The following RIC8B variants were observed in gnomAD, a reference collection of about 807,000 sequenced individuals.
RIC8B encodes the protein RIC8 guanine nucleotide exchange factor B.
Under a neutral mutation model 57.5 loss-of-function variants are expected in RIC8B, and 16 were observed. That is an observed-to-expected ratio of 0.28 (90% confidence interval 0.19 to 0.42). The LOEUF (loss-of-function observed/expected upper bound fraction) is 0.42. RIC8B is among the 10% of genes least tolerant of loss of function. The pLI is 1.00. For synonymous variants in RIC8B, 216 were observed against 250.8 expected (o/e 0.86, Z 1.31); for missense variants, 481 against 677.0 (o/e 0.71, Z 3.21).
chr12:106,783,327 AGT>A (rs1353352663), intron 1 of RIC8B, among the ~76,000 whole-genome samples: 2 of 152,310 alleles, frequency 1.3e-5, no homozygotes, highest in East Asian at 1.9e-4. Context: ...TGAGAAACTC[AGT>A]TCCAGAGAGT....
At chr12:106,785,819 G>C (rs796744410) in intron 2 of RIC8B, among the ~76,000 whole-genome samples, 23,676 of 97,132 alleles carry the variant, frequency 0.24, 2,973 homozygotes, top group African/African-American at 0.28. Context: ...CTCTCTGTGT[G>C]TGTGTGTGTG....
rs1055515270 is a variant in RIC8B at position 106,821,316 on chromosome 12, G to A, written c.742-4410G>A. 6.6e-5 allele frequency among the ~76,000 whole-genome samples: 10 copies of A among 152,268 alleles called. No homozygotes were observed. In the South Asian group the frequency reaches 1.2e-3, roughly 19 times the overall value. ...ATATTTATGGAGACATAGACTAATG[G>A]AATAGAATAAATAGAGTTGATACAG... is the stretch of plus-strand genomic sequence containing the variant. On this transcript the variant is annotated intron_variant, in intron 3 of 9. Coordinates refer to ENST00000392837, the MANE Select transcript of RIC8B (RefSeq NM_001330145.2).
intron 4 of RIC8B, among the ~76,000 whole-genome samples, chr12:106,827,739 T>G (rs2046172546): frequency 6.6e-6 from 1 of 152,256 alleles, no homozygotes; most frequent in Non-Finnish European, 1.5e-5. Flanking sequence ...CAAGATTTTA[T>G]TAAACATTTT....
At chr12:106,828,382 G>A (rs1037606266) in intron 4 of RIC8B, among the ~76,000 whole-genome samples, 3 of 152,166 alleles carry the variant, frequency 2.0e-5, no homozygotes, top group Admixed American at 6.5e-5. Context: ...GGAAGCTTCT[G>A]TAGTGATCCT....
chr12:106,798,844 C>T (rs1488585733), intron 2 of RIC8B, among the ~76,000 whole-genome samples: 1 of 152,066 alleles, frequency 6.6e-6, no homozygotes, highest in African/African-American at 2.4e-5. Context: ...ATAGTTCATT[C>T]CTTCAGTCTT....
chr12:106,874,181 C>T (rs1950566907), intron 9 of RIC8B, among the ~76,000 whole-genome samples: 1 of 152,222 alleles, frequency 6.6e-6, no homozygotes, highest in Admixed American at 6.5e-5. Flanking sequence ...GACGTTTGCT[C>T]TGTCCACTGT....
chr12:106,788,069 G>A (rs1287116114), intron 2 of RIC8B, among the ~76,000 whole-genome samples: 1 of 152,152 alleles, frequency 6.6e-6, no homozygotes, highest in Non-Finnish European at 1.5e-5. Context: ...TACAGGCATT[G>A]GGTAAATACA....
At position 106,815,155 on chromosome 12, in the gene RIC8B, A is replaced by G; in HGVS notation, c.592A>G (p.Ser198Gly). The change falls in exon 3 of 10, where the codon AGT (serine) becomes GGT (glycine). Residue 198 changes from serine to glycine, a missense_variant. Physicochemically the swap from Ser to Gly is moderately conservative, Grantham distance 56. Around this residue, in one of 3 missense-constraint regions of RIC8B, gnomAD observed 421 missense variants for 560.9 expected, o/e 0.75. Transcript: ENST00000392837. ...GLPLLTQILE[S>G]AFSIKWTDEY... ...ACCGCTGCTAACGCAGATCTTGGAAAGTGCCTTTAGCATCAAGTGGACCGA... is the reference window on the plus strand; with the variant it reads ...ACCGCTGCTAACGCAGATCTTGGAAGGTGCCTTTAGCATCAAGTGGACCGA... 1 of 1,614,256 alleles carries G rather than the reference A, an allele frequency of 6.2e-7. No individual in the cohort carries two copies. Among genetic ancestry groups the G allele is most frequent in the Non-Finnish European group, 8.5e-7 (1 of 1,180,044 alleles).
At chr12:106,871,328 G>A (rs1376532289) in intron 9 of RIC8B, 1 of 153,586 alleles carries the variant, frequency 6.5e-6, no homozygotes, top group Non-Finnish European at 1.4e-5. Flanking sequence ...CATTTTTGAT[G>A]TGTAAGTTTG....
rs1951283911 is a variant in RIC8B, at chr12:106,888,710, C to G, written c.*2695C>G. ...GAGTGGGAAACTTGCATGGTCAGCA[C>G]TGGATTTCCAATGAAGACCTGGAAT... On this transcript the variant is annotated 3_prime_UTR_variant, in exon 10 of 10. Coordinates refer to ENST00000392837, the MANE Select transcript of RIC8B (RefSeq NM_001330145.2). 1 of 152,654 alleles carries G rather than the reference C, an allele frequency of 6.6e-6. No homozygotes were observed. Among genetic ancestry groups the G allele is most frequent in the Non-Finnish European group, 1.5e-5 (1 of 68,074 alleles). The allele number at this position is 152,654 out of a possible 1,614,324, so 9.5% of individuals were successfully genotyped here.
At chr12:106,796,874 G>A (rs2044507259) in intron 2 of RIC8B, among the ~76,000 whole-genome samples, 1 of 152,162 alleles carries the variant, frequency 6.6e-6, no homozygotes, top group Non-Finnish European at 1.5e-5. Flanking sequence ...CAAATGATCT[G>A]ACTAGACACT....
intron 8 of RIC8B, among the ~76,000 whole-genome samples, chr12:106,868,015 T>C (rs1045527307): frequency 6.6e-6 from 1 of 152,206 alleles, no homozygotes; most frequent in Admixed American, 6.5e-5. Flanking sequence ...AGTAGCTAAT[T>C]TCAGAGCAAA....
Position 106,824,380 on chromosome 12 carries a change from C to T in RIC8B, c.742-1346C>T, listed in dbSNP as rs538646103. On this transcript the variant is annotated intron_variant, in intron 3 of 9. Coordinates refer to ENST00000392837, the MANE Select transcript of RIC8B (RefSeq NM_001330145.2). ...GTGCAGTGCCTTTATTTCAGTTAGG[C>T]CACTGAGGCCCTCTTCTCATCCAGC... is the stretch of plus-strand genomic sequence containing the variant. 2.0e-5 allele frequency among the ~76,000 whole-genome samples: 3 copies of T among 152,190 alleles called. No individual in the cohort carries two copies. In the South Asian group the frequency reaches 6.2e-4, roughly 32 times the overall value.
At chr12:106,791,177 C>T (rs1012988341) in intron 2 of RIC8B, among the ~76,000 whole-genome samples, 5 of 152,092 alleles carry the variant, frequency 3.3e-5, no homozygotes, top group African/African-American at 1.2e-4. Flanking sequence ...CAAAAGTATG[C>T]ATACAGTATG....
intron 6 of RIC8B, among the ~76,000 whole-genome samples, chr12:106,849,830 G>C (rs1949386011): frequency 6.6e-6 from 1 of 152,092 alleles, no homozygotes; most frequent in South Asian, 2.1e-4. Context: ...TATATTTTCT[G>C]CCCTTATTTA....
At chr12:106,775,418 A>G (rs2043419666) in intron 1 of RIC8B, 22 of 454,004 alleles carry the variant, frequency 4.8e-5, no homozygotes, top group South Asian at 2.7e-4. Context: ...TCATGGACAT[A>G]TAATGTTGTA....
chr12:106,843,537 A>C (rs776533883), intron 5 of RIC8B, among the ~76,000 whole-genome samples: 1 of 152,116 alleles, frequency 6.6e-6, no homozygotes, highest in Non-Finnish European at 1.5e-5. Flanking sequence ...CCTGGCTAAC[A>C]TGGTGAAACC....
At chr12:106,844,049 T>C in intron 6 of RIC8B, 102 bp downstream of exon 6, 1 of 825,016 alleles carries the variant, frequency 1.2e-6, no homozygotes, top group Non-Finnish European at 2.0e-6. Flanking sequence ...TTTCAGATAA[T>C]CAGAAACTCA....
chr12:106,784,831 C>T (rs1016068002), intron 2 of RIC8B, among the ~76,000 whole-genome samples: 6 of 152,182 alleles, frequency 3.9e-5, no homozygotes, highest in Admixed American at 1.3e-4. Flanking sequence ...GAAATCATTC[C>T]TCCATTCACC....
Sources: gnomAD v4.1 joint callset for allele counts (sites outside exome capture counted in the v4.1 genomes callset) on GRCh38, gnomAD v4.1.1 for gene constraint, gnomAD v4.1.1 regional missense constraint, MANE v1.5 for transcripts, NCBI Gene and HGNC (gene_info 2026-07-23, HGNC 2026-07-21) for gene names.